The following HIVEP3 variants were observed in gnomAD, a reference collection of about 807,000 sequenced individuals.
The protein encoded by HIVEP3 is HIVEP zinc finger 3, also known as transcription factor HIVEP3.
Under a neutral mutation model 152.8 loss-of-function variants are expected in HIVEP3, and 49 were observed. The ratio of observed to expected loss-of-function variants is 0.32; its 90% CI spans 0.26 to 0.41. HIVEP3 has a LOEUF of 0.41. Ranked by LOEUF, HIVEP3 falls within the 10% of genes least tolerant of loss-of-function variation. HIVEP3 has a pLI of 1.00. For synonymous variants in HIVEP3, 1,269 were observed against 1,289.0 expected (o/e 0.98, Z 0.33); for missense variants, 2,790 against 3,103.3 (o/e 0.90, Z 2.40).
Position 41,584,379 on chromosome 1 carries a change from G to A in HIVEP3, c.419C>T (p.Pro140Leu). Residue 140 changes from proline (P) to leucine (L), a missense_variant, in exon 4 of 9, where the codon CCT (proline) becomes CTT (leucine). Coordinates refer to ENST00000372583, the MANE Select transcript of HIVEP3 (RefSeq NM_024503.5). This position sits in a 1 kb window ranked among gnomAD's most constrained non-coding sequence, Gnocchi z 5.2. ...SGSFVAPGLHPQSQLLPSHAS... is the reference protein window; with the variant it reads ...SGSFVAPGLHLQSQLLPSHAS... ...GTGGGAAGGAAGGAGCTGGCTCTGA[G>A]GATGGAGCCCAGGGGCCACGAAGGA... The A allele has an allele frequency of 6.2e-7, 1 of 1,613,858 alleles. No homozygotes were observed. The highest frequency in any genetic ancestry group is 8.5e-7 in the Non-Finnish European group (1 of 1,179,842).
rs114297167 is a variant in HIVEP3 at position 41,978,299 on chromosome 1, C to A, written n.119+57508G>T. Reference sequence around the variant, plus strand: ...AACAGCTGAACTGTGTCCCCCACCCCCCAAATTCATATGTTGAAGCCCTAA... The same window carrying A: ...AACAGCTGAACTGTGTCCCCCACCCACCAAATTCATATGTTGAAGCCCTAA... On this transcript the variant is annotated intron_variant and non_coding_transcript_variant, in intron 1 of 3. Transcript: ENST00000489103. 5.6e-3 allele frequency among the ~76,000 whole-genome samples: 854 copies of A among 152,218 alleles called. 6 individuals carry two copies. Among genetic ancestry groups the A allele is most frequent in the South Asian group, 0.02 (95 of 4,816 alleles).
At chr1:41,844,264 A>G (rs990664344) in intron 1 of HIVEP3, among the ~76,000 whole-genome samples, 13 of 152,348 alleles carry the variant, frequency 8.5e-5, no homozygotes, top group African/African-American at 3.1e-4. Flanking sequence ...GCAGCACACT[A>G]AACTAACAAG....
chr1:41,968,045 G>A (rs973311709), intron 1 of HIVEP3, among the ~76,000 whole-genome samples: 2 of 152,060 alleles, frequency 1.3e-5, no homozygotes, highest in Middle Eastern at 3.2e-3. Context: ...CTGAAATTGA[G>A]GCAGTAATAA....
chr1:41,527,256 C>T (rs1643001078), intron 5 of HIVEP3, among the ~76,000 whole-genome samples: 2 of 130,414 alleles, frequency 1.5e-5, no homozygotes, highest in African/African-American at 3.0e-5. Context: ...CACACACACA[C>T]CCTCACATGC....
At chr1:42,014,384 G>C (rs1645510200) in intron 1 of HIVEP3, among the ~76,000 whole-genome samples, 1 of 151,922 alleles carries the variant, frequency 6.6e-6, no homozygotes, top group Non-Finnish European at 1.5e-5. Flanking sequence ...GGAAGGAGGG[G>C]GTGCAAAGCA....
chr1:41,597,351 C>G (rs1644681877), intron 3 of HIVEP3, among the ~76,000 whole-genome samples: 1 of 152,206 alleles, frequency 6.6e-6, no homozygotes, highest in Non-Finnish European at 1.5e-5. Context: ...CTCTGCCAGA[C>G]TTGCAGAGGC....
chr1:41,717,462 C>T (rs188665702), intron 1 of HIVEP3, among the ~76,000 whole-genome samples: 3 of 152,282 alleles, frequency 2.0e-5, no homozygotes, highest in Admixed American at 2.0e-4. Flanking sequence ...GAGAAAGTGA[C>T]TAGAGAAGGT....
chr1:41,623,263 T>C (rs964285599), intron 3 of HIVEP3, among the ~76,000 whole-genome samples: 15 of 152,116 alleles, frequency 9.9e-5, no homozygotes, highest in African/African-American at 1.4e-4. Flanking sequence ...ACCACGAAAC[T>C]TCCTACCTGT....
At chr1:41,758,236 G>A (rs1424669354) in intron 1 of HIVEP3, among the ~76,000 whole-genome samples, 1 of 152,064 alleles carries the variant, frequency 6.6e-6, no homozygotes, top group Non-Finnish European at 1.5e-5. Context: ...GGGACACTAT[G>A]TCTGGAGTGA....
At chr1:41,597,363 C>T (rs1644682205) in intron 3 of HIVEP3, among the ~76,000 whole-genome samples, 1 of 152,168 alleles carries the variant, frequency 6.6e-6, no homozygotes, top group South Asian at 2.1e-4. Context: ...TGCAGAGGCC[C>T]AGATTTCCCC....
chr1:41,749,843 G>A (rs893033962), intron 1 of HIVEP3, among the ~76,000 whole-genome samples: 2 of 152,190 alleles, frequency 1.3e-5, no homozygotes, highest in African/African-American at 4.8e-5. Flanking sequence ...CCTTGGGGGT[G>A]AAATGTATGT....
At chr1:41,575,810 A>T in intron 4 of HIVEP3, 121 bp from the exon 5 acceptor site, 1 of 1,036,346 alleles carries the variant, frequency 9.6e-7, no homozygotes, top group Non-Finnish European at 1.4e-6. Flanking sequence ...CAATCTTCAC[A>T]CTCCCCCATG....
chr1:41,808,141 C>T (rs1417999433), intron 1 of HIVEP3, among the ~76,000 whole-genome samples: 1 of 152,216 alleles, frequency 6.6e-6, no homozygotes, highest in East Asian at 1.9e-4. Flanking sequence ...AGATTACTAC[C>T]CCCATTTGGT....
intron 1 of HIVEP3, among the ~76,000 whole-genome samples, chr1:41,839,615 T>A (rs753592993): frequency 1.3e-5 from 2 of 152,190 alleles, no homozygotes; most frequent in Non-Finnish European, 2.9e-5. Flanking sequence ...GTGAGTACTC[T>A]GGAGTGGGGC....
At chr1:41,747,475 A>G (rs1647090493) in intron 1 of HIVEP3, among the ~76,000 whole-genome samples, 1 of 152,212 alleles carries the variant, frequency 6.6e-6, no homozygotes, top group Non-Finnish European at 1.5e-5. Context: ...TTTTTTCCTG[A>G]TTATAAAAAT....
At chr1:41,512,767 C>G (rs1642468788) in intron 8 of HIVEP3, 49 bp downstream of exon 8, 1 of 1,424,352 alleles carries the variant, frequency 7.0e-7, no homozygotes, top group African/African-American at 1.4e-5. Context: ...CTTGCAACCC[C>G]TGCACCCACA....
chr1:41,850,309 C>A (rs979740411), intron 1 of HIVEP3, among the ~76,000 whole-genome samples: 2 of 150,054 alleles, frequency 1.3e-5, no homozygotes, highest in African/African-American at 5.1e-5. Context: ...AAAGCAGAGG[C>A]ACAGAAAAGG....
intron 1 of HIVEP3, among the ~76,000 whole-genome samples, chr1:41,773,545 G>A (rs1372911385): frequency 6.6e-6 from 1 of 152,152 alleles, no homozygotes; most frequent in African/African-American, 2.4e-5. Context: ...TTTAACTGAG[G>A]CCTCCAAGAT....
intron 1 of HIVEP3, among the ~76,000 whole-genome samples, chr1:41,784,348 G>C (rs933987761): frequency 3.3e-5 from 5 of 152,120 alleles, no homozygotes; most frequent in African/African-American, 1.2e-4. Flanking sequence ...TAACCTTTTG[G>C]ATATGTTGTG....
Sources: gnomAD v4.1 joint callset for allele counts (sites outside exome capture counted in the v4.1 genomes callset) on GRCh38, gnomAD v4.1.1 for gene constraint, Gnocchi (gnomAD v3.1) non-coding constraint, MANE v1.5 for transcripts, NCBI Gene and HGNC (gene_info 2026-07-23, HGNC 2026-07-21) for gene names.